The following CHD5 variants were observed in gnomAD, a reference collection of about 807,000 sequenced individuals.
CHD5 encodes the protein chromodomain helicase DNA binding protein 5.
CHD5 carries 69 observed loss-of-function variants against 230.3 expected under a neutral mutation model. The ratio of observed to expected loss-of-function variants is 0.30; its 90% CI spans 0.25 to 0.37. The LOEUF (loss-of-function observed/expected upper bound fraction) is 0.37, where lower values mean the gene tolerates loss of function less well. Ranked by LOEUF, CHD5 falls within the 10% of genes least tolerant of loss-of-function variation. The pLI is 1.00. For missense variants in CHD5, 1,827 were observed against 2,622.8 expected, an observed-to-expected ratio of 0.70 and a Z score of 6.63; for synonymous variants, 1,064 against 1,065.9, an observed-to-expected ratio of 1.00 and a Z score of 0.03.
intron 5 of CHD5, among the ~76,000 whole-genome samples, chr1:6,153,355 G>A (rs191223527): frequency 1.8e-4 from 27 of 152,348 alleles, no homozygotes; most frequent in Admixed American, 5.2e-4. Context: ...AGCCCCTCCC[G>A]AGATCCTGAT....
At chr1:6,178,334 G>A (rs886886358) in intron 1 of CHD5, among the ~76,000 whole-genome samples, 1 of 152,124 alleles carries the variant, frequency 6.6e-6, no homozygotes, top group African/African-American at 2.4e-5. Context: ...TAGTCAGAGA[G>A]AGCCGGAGTG....
intron 34 of CHD5, among the ~76,000 whole-genome samples, chr1:6,112,619 G>T (rs973096071): frequency 2.0e-5 from 3 of 152,222 alleles, no homozygotes; most frequent in Non-Finnish European, 4.4e-5. Context: ...AGGGCCTAGA[G>T]GTATGCAAAG....
chr1:6,124,647 AGGGACACATAGGCTCTGGGGTGGGGGGGG>A lies in CHD5; in HGVS notation c.4395-15_4408del. On this transcript the variant is annotated splice_acceptor_variant and splice_polypyrimidine_tract_variant and coding_sequence_variant and intron_variant, in exon 30 of 42. Coordinates refer to ENST00000262450, the MANE Select transcript of CHD5 (RefSeq NM_015557.3). LOFTEE classifies it high-confidence loss of function. ...CGGCTCACACAGGTGCCGCATGAAG[AGGGACACATAGGCTCTGGGGTGGGGGGGG>A]GGGACTGGGGCTCAGGGAGTGGGGG... 1 of 581,612 alleles carries A rather than the reference AGGGACACATAGGCTCTGGGGTGGGGGGGG, an allele frequency of 1.7e-6. No homozygotes were observed. Among genetic ancestry groups the A allele is most frequent in the Non-Finnish European group, 2.7e-6 (1 of 373,634 alleles). The allele number at this position is 581,612 out of a possible 1,614,324, so 36.0% of individuals were successfully genotyped here. A position where few individuals can be genotyped will look rare whatever the true frequency, so the allele number is the denominator to read the frequency against.
intron 33 of CHD5, among the ~76,000 whole-genome samples, chr1:6,114,821 C>T (rs1208585882): frequency 6.6e-6 from 1 of 152,062 alleles, no homozygotes; most frequent in African/African-American, 2.4e-5. Context: ...TGAGACCAGC[C>T]TGACCAACAT....
rs1027920866 is a variant in CHD5, at chr1:6,103,034, C to T, written c.*2440G>A. On this transcript the variant is annotated 3_prime_UTR_variant, in exon 42 of 42. Transcript: ENST00000262450. ...TCATGCCCGAGGACCCTGATTCTAC[C>T]AGCAGCAAAAACCAAACCCAGCCCA... 1 of 152,470 alleles carries T rather than the reference C, an allele frequency of 6.6e-6. No homozygotes were observed. Among genetic ancestry groups the T allele is most frequent in the Non-Finnish European group, 1.5e-5 (1 of 68,062 alleles). 9.4% of individuals were successfully genotyped at this position (152,470 alleles called of 1,614,324 possible).
At position 6,121,532 on chromosome 1, in the gene CHD5, G is replaced by C. The variant is rs1666471089; in HGVS notation, c.4741C>G (p.Pro1581Ala). ...AQLGYMDEKD[P>A]GAQKPRQPLE... ...GGCTGCCTTGGCTTCTGTGCCCCGGGGTCTTTCTCATCCATGTAGCCCAGC... is the reference window on the plus strand; with the variant it reads ...GGCTGCCTTGGCTTCTGTGCCCCGGCGTCTTTCTCATCCATGTAGCCCAGC... The change falls in exon 32 of 42, where the codon CCC (proline) becomes GCC (alanine). Residue 1581 changes from proline to alanine, a missense_variant. Physicochemically the swap from Pro to Ala is conservative, Grantham distance 27. Around this residue, in one of 14 missense-constraint regions of CHD5, gnomAD observed 272 missense variants for 263.2 expected, o/e 1.03. Coordinates refer to ENST00000262450, the MANE Select transcript of CHD5 (RefSeq NM_015557.3). This position sits in a 1 kb window ranked among gnomAD's most constrained non-coding sequence, Gnocchi z 4.5. 6.2e-7 allele frequency: 1 copy of C among 1,613,078 alleles called. No individual in the cohort carries two copies. The highest frequency in any genetic ancestry group is 1.3e-5 in the African/African-American group (1 of 74,920).
chr1:6,129,682 G>A lies in CHD5; in HGVS notation c.3387+522C>T, dbSNP rs138964172. Among the ~76,000 whole-genome samples the A allele has an allele frequency of 4.1e-4, 62 of 152,178 alleles. No homozygotes were observed. Among genetic ancestry groups the A allele is most frequent in the African/African-American group, 1.4e-3 (57 of 41,512 alleles). ...AAGCATTCAATGTGTGTGTCCCAGCGCCCGAGAGGGGTGGCCAGGTACACT... is the reference window on the plus strand; with the variant it reads ...AAGCATTCAATGTGTGTGTCCCAGCACCCGAGAGGGGTGGCCAGGTACACT... On this transcript the variant is annotated intron_variant, in intron 22 of 41. Transcript: ENST00000262450. This position sits in a 1 kb window ranked among gnomAD's most constrained non-coding sequence, Gnocchi z 6.8.
chr1:6,116,979 G>A (rs757085670), intron 33 of CHD5, among the ~76,000 whole-genome samples: 2 of 152,236 alleles, frequency 1.3e-5, no homozygotes, highest in Admixed American at 6.5e-5. Context: ...AGATGAAAGG[G>A]AAGTGAGTTA....
Position 6,125,138 on chromosome 1 carries a change from C to T in CHD5, c.4356G>A (p.Leu1452=), listed in dbSNP as rs1666534297. The T allele has an allele frequency of 4.4e-6, 7 of 1,604,856 alleles. No individual in the cohort carries two copies. Among genetic ancestry groups the T allele is most frequent in the South Asian group, 1.1e-5 (1 of 89,264 alleles). ...PPQDAFNSHW[L]VRDLRGKSEK... ...CGCTCTTCCCTCGAAGGTCCCGCAC[C>T]AGCCAGTGGGAGTTGAAGGCGTCCT... is the stretch of plus-strand genomic sequence containing the variant. The change falls in exon 29 of 42, where the codon CTG becomes CTA. Residue 1452 remains leucine (L), a synonymous_variant. Transcript: ENST00000262450. This position sits in a 1 kb window ranked among gnomAD's most constrained non-coding sequence, Gnocchi z 6.7.
Position 6,149,384 on chromosome 1 carries a change from G to A in CHD5, c.1023C>T (p.Asp341=). The A allele has an allele frequency of 1.9e-6, 3 of 1,612,804 alleles. No individual in the cohort carries two copies. Among genetic ancestry groups the A allele is most frequent in the Middle Eastern group, 1.7e-4 (1 of 6,050 alleles). Residue 341 remains aspartate, a synonymous_variant, in exon 8 of 42, where the codon GAC becomes GAT. Coordinates refer to ENST00000262450, the MANE Select transcript of CHD5 (RefSeq NM_015557.3). ...RIDDGDGYET[D]HQDYCEVCQQ... ...GGCACACCTCACAGTAATCCTGGTG[G>A]TCTGTCTCATAGCCGTCACCATCAT...
rs1321091762 is a variant in CHD5, at chr1:6,155,111, C to CG, written c.507-214_507-213insC. On this transcript the variant is annotated intron_variant, in intron 4 of 41. Coordinates refer to ENST00000262450, the MANE Select transcript of CHD5 (RefSeq NM_015557.3). The surrounding 1 kb of genome is among the most constrained non-coding windows in gnomAD (Gnocchi z 4.0). ...CCACACCCACAGCCCACCCCCAAAA[C>CG]ACCCAGCTTCCTGTCCACACCCACA... Among the ~76,000 whole-genome samples the CG allele has an allele frequency of 3.7e-5, 2 of 53,684 alleles. No homozygotes were observed. The highest frequency in any genetic ancestry group is 3.9e-4 in the East Asian group (1 of 2,582). The allele number at this position is 53,684 out of a possible 152,430, so 35.2% of individuals were successfully genotyped here.
chr1:6,163,573 GA>G (rs1667209760), intron 2 of CHD5, among the ~76,000 whole-genome samples: 1 of 152,222 alleles, frequency 6.6e-6, no homozygotes, highest in Non-Finnish European at 1.5e-5. Context: ...AAATAGTTCT[GA>G]AAACACCTAG....
chr1:6,154,828 G>T lies in CHD5; in HGVS notation c.577C>A (p.Arg193=). The T allele has an allele frequency of 6.2e-7, 1 of 1,613,992 alleles. No homozygotes were observed. Among genetic ancestry groups the T allele is most frequent in the South Asian group, 1.1e-5 (1 of 91,076 alleles). The change falls in exon 5 of 42, where the codon CGG becomes AGG. Residue 193 remains arginine, a synonymous_variant. Transcript: ENST00000262450. The surrounding 1 kb of genome is among the most constrained non-coding windows in gnomAD (Gnocchi z 7.0). ...AAGGGGTTGTTGGCGCTGAACTCCC[G>T]CCACTTGGCACCCAGGACGGTCATC... ...KMMTVLGAKW[R]EFSANNPFKG...
intron 1 of CHD5, among the ~76,000 whole-genome samples, chr1:6,172,749 G>C (rs1667358815): frequency 6.6e-6 from 1 of 152,144 alleles, no homozygotes; most frequent in Non-Finnish European, 1.5e-5. Context: ...GCAGGTCACA[G>C]GTCCCTCAAG....
chr1:6,106,631 G>A lies in CHD5; in HGVS notation c.5727C>T (p.Asp1909=), dbSNP rs1361586579. 3 of 1,580,838 alleles carry A rather than the reference G, an allele frequency of 1.9e-6. No individual in the cohort carries two copies. The highest frequency in any genetic ancestry group is 2.6e-6 in the Non-Finnish European group (3 of 1,164,012). Residue 1909 remains aspartate (D), a synonymous_variant, in exon 39 of 42, where the codon GAC becomes GAT. Coordinates refer to ENST00000262450, the MANE Select transcript of CHD5 (RefSeq NM_015557.3). ...CGAGCCTGACCTGCTGGATGGTGGG[G>A]TCCCCGGCGCGGTTGGTCAGGCGGC... ...ILSRLTNRAG[D]PTIQQGAFGS...
chr1:6,134,983 C>T lies in CHD5; in HGVS notation c.2871-124G>A. 1 of 1,296,834 alleles carries T rather than the reference C, an allele frequency of 7.7e-7. No individual in the cohort carries two copies. Among genetic ancestry groups the T allele is most frequent in the Non-Finnish European group, 1.1e-6 (1 of 929,826 alleles). The allele number at this position is 1,296,834 out of a possible 1,614,324, so 80.3% of individuals were successfully genotyped here. A position where few individuals can be genotyped will look rare whatever the true frequency, so the allele number is the denominator to read the frequency against. On this transcript the variant is annotated intron_variant, in intron 18 of 41. Transcript: ENST00000262450. The surrounding 1 kb of genome is among the most constrained non-coding windows in gnomAD (Gnocchi z 6.3). ...CATTTACAGAGAGACCCAAGGGACC[C>T]CCAAGAGGTGAAGCCACCGGCCTGG...
At chr1:6,137,377 G>T (rs1257018388) in intron 15 of CHD5, among the ~76,000 whole-genome samples, 1 of 152,176 alleles carries the variant, frequency 6.6e-6, no homozygotes, top group Non-Finnish European at 1.5e-5. Flanking sequence ...ATAGTGTTGG[G>T]ATTACAGGCG....
intron 7 of CHD5, 99 bp downstream of exon 7, chr1:6,150,933 T>A: frequency 1.5e-6 from 2 of 1,341,128 alleles, no homozygotes; most frequent in Non-Finnish European, 1.9e-6. Context: ...GCCCCGCACA[T>A]CCACCCGGCA....
At chr1:6,144,874 T>C (rs1375766979) in intron 11 of CHD5, among the ~76,000 whole-genome samples, 2 of 152,234 alleles carry the variant, frequency 1.3e-5, no homozygotes, top group Non-Finnish European at 2.9e-5. Context: ...ACCGATCCCG[T>C]TACCACGGCA....
Sources: gnomAD v4.1 joint callset for allele counts (sites outside exome capture counted in the v4.1 genomes callset) on GRCh38, gnomAD v4.1.1 for gene constraint, gnomAD v4.1.1 regional missense constraint, Gnocchi (gnomAD v3.1) non-coding constraint, MANE v1.5 for transcripts, NCBI Gene and HGNC (gene_info 2026-07-23, HGNC 2026-07-21) for gene names.